TCF7L1: variants seen among roughly 807,000 people sequenced by gnomAD.
The protein encoded by TCF7L1 is transcription factor 7-like 1.
Under a neutral mutation model 63.7 loss-of-function variants are expected in TCF7L1, and 18 were observed. The observed-to-expected ratio is 0.28, with a 90% CI of 0.20 to 0.42. The LOEUF (loss-of-function observed/expected upper bound fraction) is 0.42, where lower values mean the gene tolerates loss of function less well. Among genes scored for constraint, TCF7L1 ranks in the 10% least tolerant of loss-of-function variants. TCF7L1 has a pLI of 1.00. For missense variants in TCF7L1, 654 were observed against 779.3 expected, an observed-to-expected ratio of 0.84 and a Z score of 1.91; for synonymous variants, 355 against 340.9, an observed-to-expected ratio of 1.04 and a Z score of -0.46.
At chr2:85,150,716 TTTTGTTTTCTTGGTTAA>T (rs1677990721) in intron 3 of TCF7L1, among the ~76,000 whole-genome samples, 1 of 152,226 alleles carries the variant, frequency 6.6e-6, no homozygotes, top group Non-Finnish European at 1.5e-5. Flanking sequence ...GTGATACTAA[TTTTGTTTTCTTGGTTAA>T]AATCATGTGT....
At chr2:85,160,628 G>T (rs116761236) in intron 3 of TCF7L1, among the ~76,000 whole-genome samples, 1 of 152,132 alleles carries the variant, frequency 6.6e-6, no homozygotes, top group Non-Finnish European at 1.5e-5. Context: ...GAGGTGGGAG[G>T]CTCCTTGCTT....
chr2:85,206,059 G>A (rs1290705386), intron 3 of TCF7L1, among the ~76,000 whole-genome samples: 2 of 152,244 alleles, frequency 1.3e-5, no homozygotes, highest in African/African-American at 4.8e-5. Flanking sequence ...AGTTCCAAGT[G>A]AAGGTACCTG....
In TCF7L1 at chr2:85,133,827, A is replaced by G. The variant is rs1574072356; in HGVS notation, c.143A>G (p.Glu48Gly). ...LIPFQDEGGE[E>G]QEPSSDSASA... Reference sequence around the variant, plus strand: ...CCCTTCCAGGACGAGGGGGGCGAGGAGCAGGAGCCGAGCAGCGATAGCGCC... The same window carrying G: ...CCCTTCCAGGACGAGGGGGGCGAGGGGCAGGAGCCGAGCAGCGATAGCGCC... The change falls in exon 1 of 12, where the codon GAG becomes GGG. Residue 48 changes from glutamate (E) to glycine (G), a missense_variant. This residue lies in a region of TCF7L1 where 404 missense variants were observed against 454.8 expected (regional missense o/e 0.89). Coordinates refer to ENST00000282111, the MANE Select transcript of TCF7L1 (RefSeq NM_031283.3). This position sits in a 1 kb window ranked among gnomAD's most constrained non-coding sequence, Gnocchi z 4.4. 2.7e-6 allele frequency: 4 copies of G among 1,492,132 alleles called. No individual in the cohort carries two copies. The highest frequency in any genetic ancestry group is 3.6e-6 in the Non-Finnish European group (4 of 1,119,670). The allele number at this position is 1,492,132 out of a possible 1,614,324, so 92.4% of individuals were successfully genotyped here.
intron 4 of TCF7L1, among the ~76,000 whole-genome samples, chr2:85,288,950 C>T (rs939132276): frequency 5.3e-5 from 8 of 152,224 alleles, no homozygotes; most frequent in East Asian, 3.9e-4. Flanking sequence ...CGCATCTGAG[C>T]GCCTGTTGTA....
At chr2:85,263,319 A>AGGGGGGGG (rs142307693) in intron 3 of TCF7L1, among the ~76,000 whole-genome samples, 23 of 96,634 alleles carry the variant, frequency 2.4e-4, no homozygotes, top group South Asian at 7.0e-4. Context: ...GGTAGGGTGG[A>AGGGGGGGG]GGGGGGGAAG....
At chr2:85,288,590 C>A (rs1002917527) in intron 4 of TCF7L1, among the ~76,000 whole-genome samples, 1 of 152,098 alleles carries the variant, frequency 6.6e-6, no homozygotes, top group Non-Finnish European at 1.5e-5. Flanking sequence ...AAGGAAACAG[C>A]CTGCATACTT....
chr2:85,180,435 C>T (rs1314158103), intron 3 of TCF7L1, among the ~76,000 whole-genome samples: 1 of 151,938 alleles, frequency 6.6e-6, no homozygotes, highest in Non-Finnish European at 1.5e-5. Flanking sequence ...ACCTGCCTGA[C>T]CCTCAGCCAT....
intron 3 of TCF7L1, among the ~76,000 whole-genome samples, chr2:85,256,122 C>G (rs943989674): frequency 6.6e-6 from 1 of 152,206 alleles, no homozygotes; most frequent in Non-Finnish European, 1.5e-5. Flanking sequence ...GGCGCAGGAG[C>G]AGGCCCGGCC....
chr2:85,135,900 C>T (rs1419232220), intron 3 of TCF7L1, among the ~76,000 whole-genome samples: 2 of 139,020 alleles, frequency 1.4e-5, no homozygotes, highest in Non-Finnish European at 3.1e-5. Flanking sequence ...TGCTTTTTCT[C>T]ATTAAAAGAA....
At chr2:85,173,080 C>T (rs1025874865) in intron 3 of TCF7L1, among the ~76,000 whole-genome samples, 16 of 152,248 alleles carry the variant, frequency 1.1e-4, no homozygotes, top group South Asian at 4.1e-4. Context: ...ATCGAAATTT[C>T]CCGCCTTTGC....
chr2:85,144,705 TTCTC>T (rs59431131), intron 3 of TCF7L1, among the ~76,000 whole-genome samples: 59,009 of 145,812 alleles, frequency 0.4, 12,631 homozygotes, highest in East Asian at 0.65. Flanking sequence ...CCATCCCCCT[TTCTC>T]TCTCTCTCTC....
chr2:85,268,392 A>G (rs182543813), intron 3 of TCF7L1, among the ~76,000 whole-genome samples: 6 of 152,202 alleles, frequency 3.9e-5, no homozygotes, highest in Admixed American at 1.3e-4. Flanking sequence ...ACACCCTGCA[A>G]TAGTCATCAA....
rs150754501 is a variant in TCF7L1 at position 85,190,119 on chromosome 2, C to T, written c.441+55669C>T. ...TGTCTTCTTTATCTTTATAGTCCCA[C>T]ATACCTGAGGCACTCAGTAAGTCCT... On this transcript the variant is annotated intron_variant, in intron 3 of 11. Transcript: ENST00000282111. Among the ~76,000 whole-genome samples, 13 of 152,332 alleles carry T rather than the reference C, an allele frequency of 8.5e-5. No homozygotes were observed. The East Asian group carries it at 2.5e-3, about 29-fold the overall frequency.
intron 4 of TCF7L1, among the ~76,000 whole-genome samples, chr2:85,291,705 C>T (rs375159186): frequency 1.6e-4 from 25 of 152,098 alleles, no homozygotes; most frequent in African/African-American, 5.3e-4. Context: ...CTCAGCCTCC[C>T]GGATTTTGGT....
chr2:85,307,801 G>A, intron 11 of TCF7L1, 84 bp downstream of exon 11: 1 of 1,265,084 alleles, frequency 7.9e-7, no homozygotes, highest in South Asian at 1.2e-5. Flanking sequence ...GCTCCCTGAT[G>A]GGTCAGGGCT....
intron 4 of TCF7L1, among the ~76,000 whole-genome samples, chr2:85,289,213 C>T (rs1477368057): frequency 2.1e-5 from 3 of 145,890 alleles, no homozygotes; most frequent in African/African-American, 7.7e-5. Context: ...AATAGTATTT[C>T]AGTCTGGAGT....
chr2:85,154,782 A>G lies in TCF7L1; in HGVS notation c.441+20332A>G, dbSNP rs1678106492. On this transcript the variant is annotated intron_variant, in intron 3 of 11. Transcript: ENST00000282111. Reference sequence around the variant, plus strand: ...GCACCAGATATAAGGAAGGCCGTCAAACAAGTATTTGCCGTCCAAGTGAGT... The same window carrying G: ...GCACCAGATATAAGGAAGGCCGTCAGACAAGTATTTGCCGTCCAAGTGAGT... Among the ~76,000 whole-genome samples the G allele has an allele frequency of 2.6e-5, 4 of 152,096 alleles. No homozygotes were observed. The South Asian group carries it at 8.3e-4, about 31-fold the overall frequency.
At chr2:85,142,016 A>G (rs1426502606) in intron 3 of TCF7L1, among the ~76,000 whole-genome samples, 2 of 152,228 alleles carry the variant, frequency 1.3e-5, no homozygotes, top group African/African-American at 4.8e-5. Flanking sequence ...TTTTAGCTAC[A>G]TGTTAGATAA....
At chr2:85,213,088 A>G (rs978663667) in intron 3 of TCF7L1, among the ~76,000 whole-genome samples, 1 of 147,294 alleles carries the variant, frequency 6.8e-6, no homozygotes, top group Non-Finnish European at 1.5e-5. Flanking sequence ...GGAGGCCCAG[A>G]AAACGCCTTG....
Sources: allele counts gnomAD v4.1 joint callset (sites outside exome capture counted in the v4.1 genomes callset), GRCh38; gene constraint gnomAD v4.1.1; regional missense constraint gnomAD v4.1.1; non-coding constraint Gnocchi (gnomAD v3.1); transcripts MANE v1.5; gene names NCBI Gene and HGNC (gene_info 2026-07-23, HGNC 2026-07-21).